Variants in LRRN3 observed in about 807,000 individuals in gnomAD.
LRRN3 encodes the protein leucine rich repeat neuronal 3.
Under a neutral mutation model 40.1 loss-of-function variants are expected in LRRN3, and 15 were observed. The observed-to-expected ratio is 0.37, with a 90% CI of 0.25 to 0.58. LRRN3 has a LOEUF of 0.58. Among genes scored for constraint, LRRN3 ranks in the 20% least tolerant of loss-of-function variants. The probability of loss-of-function intolerance (pLI) is 0.72; values close to 1 mark genes in which losing one functional copy is unlikely to be tolerated. For synonymous variants in LRRN3, 308 were observed against 297.2 expected, an observed-to-expected ratio of 1.04 and a Z score of -0.37; for missense variants, 746 against 837.7, an observed-to-expected ratio of 0.89 and a Z score of 1.35.
rs549941159 is a variant in LRRN3 at position 111,122,433 on chromosome 7, G to A, written c.-340G>A. ...CATTTAGCATCATGCTGCTATTCCT[G>A]CAAATACTGAAGAAGCATGGGATTT... On this transcript the variant is annotated 5_prime_UTR_variant, in exon 3 of 3. Transcript: ENST00000308478. The A allele has an allele frequency of 1.3e-4, 25 of 194,354 alleles. No individual in the cohort carries two copies. Among genetic ancestry groups the A allele is most frequent in the African/African-American group, 5.6e-4 (24 of 43,014 alleles). 12.0% of individuals were successfully genotyped at this position (194,354 alleles called of 1,614,324 possible). A position where few individuals can be genotyped will look rare whatever the true frequency, so the allele number is the denominator to read the frequency against.
chr7:111,101,015 C>T (rs1797911813), intron 2 of LRRN3, among the ~76,000 whole-genome samples: 1 of 151,318 alleles, frequency 6.6e-6, no homozygotes, highest in Admixed American at 6.6e-5. Flanking sequence ...AAGAATTTTT[C>T]CTGTCCAGAA....
intron 2 of LRRN3, among the ~76,000 whole-genome samples, chr7:111,105,774 T>C (rs537492563): frequency 2.0e-5 from 3 of 151,812 alleles, no homozygotes; most frequent in Non-Finnish European, 4.4e-5. Context: ...AAAAAATCCA[T>C]AAAAATATAA....
intron 2 of LRRN3, among the ~76,000 whole-genome samples, chr7:111,121,841 A>G (rs1800664206): frequency 6.6e-6 from 1 of 152,172 alleles, no homozygotes; most frequent in Non-Finnish European, 1.5e-5. Context: ...ATGTCCAACA[A>G]TGATAAACTG....
intron 1 of LRRN3, among the ~76,000 whole-genome samples, chr7:111,095,964 A>G (rs755284042): frequency 3.9e-5 from 6 of 151,960 alleles, no homozygotes; most frequent in Non-Finnish European, 8.8e-5. Context: ...GTAGGCAATG[A>G]TATCTCCTTA....
chr7:111,124,188 G>C lies in LRRN3; in HGVS notation c.1416G>C (p.Lys472Asn), dbSNP rs868473146. 9 of 1,613,784 alleles carry C rather than the reference G, an allele frequency of 5.6e-6. No homozygotes were observed. In the Middle Eastern group the frequency reaches 6.6e-4, roughly 118 times the overall value. ...QKLLPNTLTD[K>N]FYVHSEGTLD... is the part of the protein sequence containing the mutation. ...TCTTGCCTAATACCCTGACAGACAA[G>C]TTCTATGTCCATTCTGAGGGAACAC... The change falls in exon 3 of 3, where the codon AAG becomes AAC. Residue 472 changes from lysine to asparagine, a missense_variant. Lys to Asn is a moderately conservative substitution (Grantham distance 94, BLOSUM62 0). Coordinates refer to ENST00000308478, the MANE Select transcript of LRRN3 (RefSeq NM_001099658.2).
chr7:111,123,658 G>C lies in LRRN3; in HGVS notation c.886G>C (p.Glu296Gln), dbSNP rs766559563. ...LKELGINNMP[E>Q]LISIDSLAVD... Reference sequence around the variant, plus strand: ...AGAGTTGGGGATAAATAATATGCCTGAGCTGATTTCCATCGATAGTCTTGC... The same window carrying C: ...AGAGTTGGGGATAAATAATATGCCTCAGCTGATTTCCATCGATAGTCTTGC... Residue 296 changes from glutamate to glutamine, a missense_variant, in exon 3 of 3, where the codon GAG (glutamate) becomes CAG (glutamine). Coordinates refer to ENST00000308478, the MANE Select transcript of LRRN3 (RefSeq NM_001099658.2). This position sits in a 1 kb window ranked among gnomAD's most constrained non-coding sequence, Gnocchi z 6.4. 6.2e-7 allele frequency: 1 copy of C among 1,613,742 alleles called. No homozygotes were observed. The highest frequency in any genetic ancestry group is 1.3e-5 in the African/African-American group (1 of 74,878).
chr7:111,125,208 T>G lies in LRRN3; in HGVS notation c.*309T>G. 4.0e-6 allele frequency: 1 copy of G among 250,470 alleles called. No homozygotes were observed. Among genetic ancestry groups the G allele is most frequent in the Non-Finnish European group, 8.2e-6 (1 of 122,376 alleles). 15.5% of individuals were successfully genotyped at this position (250,470 alleles called of 1,614,324 possible). ...GTGGACAAAAACATTTCTGTATTTT[T>G]TTTAAGTAAATAAGAGTAGTTGAAC... On this transcript the variant is annotated 3_prime_UTR_variant, in exon 3 of 3. Coordinates refer to ENST00000308478, the MANE Select transcript of LRRN3 (RefSeq NM_001099658.2).
chr7:111,119,534 T>G (rs1586401314), intron 2 of LRRN3, among the ~76,000 whole-genome samples: 1 of 152,306 alleles, frequency 6.6e-6, no homozygotes, highest in East Asian at 1.9e-4. Flanking sequence ...TTCCTTTGTA[T>G]TAGCCTGAAT....
chr7:111,116,056 A>C (rs1029994139), intron 2 of LRRN3, among the ~76,000 whole-genome samples: 4 of 152,226 alleles, frequency 2.6e-5, no homozygotes, highest in Non-Finnish European at 4.4e-5. Context: ...AAGATAAAAC[A>C]TCCAAGATTC....
intron 2 of LRRN3, among the ~76,000 whole-genome samples, chr7:111,104,774 A>C (rs1258256387): frequency 6.6e-6 from 1 of 151,850 alleles, no homozygotes; most frequent in African/African-American, 2.4e-5. Flanking sequence ...TTCCTATCAA[A>C]TTAAAAATAT....
At chr7:111,093,064 T>G (rs1477070555) in intron 1 of LRRN3, among the ~76,000 whole-genome samples, 4 of 152,350 alleles carry the variant, frequency 2.6e-5, no homozygotes, top group African/African-American at 7.2e-5. Context: ...TGAGTCAGTT[T>G]ACAACATGTA....
chr7:111,110,150 T>C (rs187180357), intron 2 of LRRN3, among the ~76,000 whole-genome samples: 19 of 152,220 alleles, frequency 1.2e-4, no homozygotes, highest in Non-Finnish European at 2.1e-4. Flanking sequence ...ATAAAGTCTT[T>C]AGGATCTGAA....
intron 2 of LRRN3, among the ~76,000 whole-genome samples, chr7:111,104,336 T>C (rs577668591): frequency 8.6e-5 from 13 of 151,880 alleles, no homozygotes; most frequent in Middle Eastern, 6.8e-3. Context: ...CAGTTCAAAT[T>C]TATTGTAGAG....
At chr7:111,114,107 T>G (rs1214546031) in intron 2 of LRRN3, among the ~76,000 whole-genome samples, 1 of 151,456 alleles carries the variant, frequency 6.6e-6, no homozygotes, top group Non-Finnish European at 1.5e-5. Flanking sequence ...AACTGAAGTC[T>G]CTCAACATAC....
At chr7:111,113,507 C>G (rs1311434067) in intron 2 of LRRN3, among the ~76,000 whole-genome samples, 2 of 152,060 alleles carry the variant, frequency 1.3e-5, no homozygotes, top group Non-Finnish European at 2.9e-5. Context: ...TCAACTCAAG[C>G]TGCAATCACT....
At chr7:111,115,218 T>C (rs185615756) in intron 2 of LRRN3, among the ~76,000 whole-genome samples, 33 of 152,306 alleles carry the variant, frequency 2.2e-4, no homozygotes, top group Non-Finnish European at 4.0e-4. Flanking sequence ...TGTACTGTTA[T>C]GACATATTGT....
chr7:111,114,731 T>A, intron 2 of LRRN3, among the ~76,000 whole-genome samples: 1 of 122,864 alleles, frequency 8.1e-6, no homozygotes, highest in African/African-American at 3.4e-5. Flanking sequence ...CAGGCGAGAC[T>A]CCATCTCAAA....
chr7:111,108,298 T>G (rs1321955646), intron 2 of LRRN3, among the ~76,000 whole-genome samples: 3 of 152,192 alleles, frequency 2.0e-5, no homozygotes, highest in Admixed American at 1.3e-4. Flanking sequence ...CTCTTTTTGT[T>G]GTTGATACAG....
chr7:111,094,758 C>T (rs1797230275), intron 1 of LRRN3, among the ~76,000 whole-genome samples: 1 of 152,040 alleles, frequency 6.6e-6, no homozygotes, highest in African/African-American at 2.4e-5. Context: ...ACTAGTAAAA[C>T]ATGATAACAA....
Sources: allele counts gnomAD v4.1 joint callset (sites outside exome capture counted in the v4.1 genomes callset), GRCh38; gene constraint gnomAD v4.1.1; non-coding constraint Gnocchi (gnomAD v3.1); transcripts MANE v1.5; gene names NCBI Gene and HGNC (gene_info 2026-07-23, HGNC 2026-07-21).